The following TSEN2 variants were observed in gnomAD, a reference collection of about 807,000 sequenced individuals.
The protein encoded by TSEN2 is tRNA splicing endonuclease subunit 2, also known as tRNA-splicing endonuclease subunit Sen2.
TSEN2 carries 54 observed loss-of-function variants against 59.2 expected under a neutral mutation model. The observed-to-expected ratio is 0.91, with a 90% CI of 0.73 to 1.14. TSEN2 has a LOEUF of 1.14. Ranked by LOEUF, TSEN2 falls within the 50% of genes most tolerant of loss-of-function variation. The probability of loss-of-function intolerance (pLI) is 0.00; values close to 1 mark genes in which losing one functional copy is unlikely to be tolerated. For synonymous variants in TSEN2, 195 were observed against 198.2 expected, an observed-to-expected ratio of 0.98 and a Z score of 0.14; for missense variants, 636 against 576.2, an observed-to-expected ratio of 1.10 and a Z score of -1.06.
At chr3:12,523,526 C>CTTTTTTTATTTTTTTTTTTTTTTTTTTTT in intron 8 of TSEN2, among the ~76,000 whole-genome samples, 1 of 46,480 alleles carries the variant, frequency 2.2e-5, no homozygotes, top group Non-Finnish European at 4.3e-5. Context: ...CTCTTTGATT[C>CTTTTTTTATTTTTTTTTTTTTTTTTTTTT]TTTTTTTTTT....
chr3:12,519,083 T>C lies in TSEN2; in HGVS notation c.985T>C (p.Trp329Arg), dbSNP rs1243784954. 6.2e-7 allele frequency: 1 copy of C among 1,614,226 alleles called. No individual in the cohort carries two copies. The change falls in exon 8 of 12, where the codon TGG becomes CGG. Residue 329 changes from tryptophan (W) to arginine (R), a missense_variant. Transcript: ENST00000284995. ...EKEPLTIVKL[W>R]KAFTVVQPTF... ...GGAGCCTTTAACGATAGTGAAGCTCTGGAAAGCTTTCACTGTAGTTCAGCC... is the reference window on the plus strand; with the variant it reads ...GGAGCCTTTAACGATAGTGAAGCTCCGGAAAGCTTTCACTGTAGTTCAGCC...
In TSEN2 at chr3:12,520,486, A is replaced by AT. The variant is rs200432301; in HGVS notation, c.1099+1296dup. ...ATTAAATCAATATTTTACTTATTTA[A>AT]TTTTTTTAACTTTAAATTTAGGGCC... On this transcript the variant is annotated intron_variant, in intron 8 of 11. Transcript: ENST00000284995. 8.7e-4 allele frequency among the ~76,000 whole-genome samples: 132 copies of AT among 151,902 alleles called. 2 individuals are homozygous for AT. The East Asian group carries it at 0.024, about 28-fold the overall frequency.
intron 6 of TSEN2, among the ~76,000 whole-genome samples, chr3:12,506,267 G>T (rs1000816545): frequency 6.6e-6 from 1 of 152,020 alleles, no homozygotes; most frequent in Non-Finnish European, 1.5e-5. Flanking sequence ...CCTTCTGCAG[G>T]ATCCCTCTAC....
At chr3:12,509,994 C>T (rs959739000) in intron 6 of TSEN2, among the ~76,000 whole-genome samples, 1 of 152,222 alleles carries the variant, frequency 6.6e-6, no homozygotes, top group Non-Finnish European at 1.5e-5. Flanking sequence ...ATGTCAGGCT[C>T]ATGTGTCCTT....
chr3:12,496,561 C>A lies in TSEN2; in HGVS notation c.308+7C>A. On this transcript the variant is annotated splice_region_variant and intron_variant, in intron 4 of 11. Transcript: ENST00000284995. ...CTATCATCACATCAAAGAGGTAAGT[C>A]ATAATGAACTTTGGCTTCTGTCAAA... is the stretch of plus-strand genomic sequence containing the variant. 1 of 1,614,012 alleles carries A rather than the reference C, an allele frequency of 6.2e-7. No individual in the cohort carries two copies. The highest frequency in any genetic ancestry group is 1.1e-5 in the South Asian group (1 of 91,052).
intron 6 of TSEN2, among the ~76,000 whole-genome samples, chr3:12,508,750 CAGTTATTTCTGAGT>C (rs974879654): frequency 1.3e-5 from 2 of 152,218 alleles, no homozygotes; most frequent in Admixed American, 1.3e-4. Flanking sequence ...GTATTTACCT[CAGTTATTTCTGAGT>C]AGTTATTTCT....
downstream of TSEN2, among the ~76,000 whole-genome samples, chr3:12,533,831 A>G (rs553143875): frequency 2.6e-5 from 4 of 152,162 alleles, no homozygotes; most frequent in Non-Finnish European, 4.4e-5. Flanking sequence ...CATGTTTGTT[A>G]TATTTAATTT....
intron 8 of TSEN2, among the ~76,000 whole-genome samples, chr3:12,524,052 A>G (rs568976871): frequency 5.0e-4 from 76 of 152,318 alleles, no homozygotes; most frequent in African/African-American, 1.7e-3. Flanking sequence ...TATCCAGTCT[A>G]TACTTAAATT....
At chr3:12,485,585 G>A (rs1331969769) in intron 1 of TSEN2, among the ~76,000 whole-genome samples, 1 of 152,192 alleles carries the variant, frequency 6.6e-6, no homozygotes, top group Non-Finnish European at 1.5e-5. Context: ...GTTAAAATCA[G>A]CTGGGTCCAC....
At chr3:12,530,137 T>G in intron 10 of TSEN2, 1 of 1,365,904 alleles carries the variant, frequency 7.3e-7, no homozygotes, top group Non-Finnish European at 9.4e-7. Flanking sequence ...CCCATGGTGA[T>G]CTGATCTGGG....
intron 11 of TSEN2, 54 bp from the exon 12 acceptor site, chr3:12,532,608 G>C (rs1038588196): frequency 6.3e-7 from 1 of 1,582,328 alleles, no homozygotes; most frequent in African/African-American, 1.3e-5. Flanking sequence ...TGTGGTGTCA[G>C]AATGGTCTTA....
rs1239593391 is a variant in TSEN2, at chr3:12,484,847, G to A, written c.-51G>A. Reference sequence around the variant, plus strand: ...CCGCAGCCTCTGGTGGAGTTCGGTCGGGTGTGGGGGTAGTCAAGGAAAGAA... The same window carrying A: ...CCGCAGCCTCTGGTGGAGTTCGGTCAGGTGTGGGGGTAGTCAAGGAAAGAA... On this transcript the variant is annotated 5_prime_UTR_variant, in exon 1 of 12. Coordinates refer to ENST00000284995, the MANE Select transcript of TSEN2 (RefSeq NM_025265.4). The A allele has an allele frequency of 1.3e-5, 2 of 152,426 alleles. No individual in the cohort carries two copies. Among genetic ancestry groups the A allele is most frequent in the Non-Finnish European group, 2.9e-5 (2 of 68,198 alleles). The allele number at this position is 152,426 out of a possible 1,614,324, so 9.4% of individuals were successfully genotyped here. A position where few individuals can be genotyped will look rare whatever the true frequency, so the allele number is the denominator to read the frequency against.
chr3:12,532,712 C>T lies in TSEN2; in HGVS notation c.1389C>T (p.Asp463=), dbSNP rs75288720. The T allele has an allele frequency of 5.7e-4, 924 of 1,613,984 alleles. 6 individuals carry two copies. The African/African-American group carries it at 0.011, about 19-fold the overall frequency. The change falls in exon 12 of 12, where the codon GAC becomes GAT. Residue 463 remains aspartate (D), a synonymous_variant. Coordinates refer to ENST00000284995, the MANE Select transcript of TSEN2 (RefSeq NM_025265.4). ...CTTCACGAGAGAGGAGTGACCAAGA[C>T]GATCTTTAACAATTCAACCTCAAAT... ...WVSSRERSDQ[D]DL is the part of the protein sequence containing the mutation.
chr3:12,506,578 C>CA (rs537179433), intron 6 of TSEN2: 52,014 of 354,048 alleles, frequency 0.15, 64 homozygotes, highest in Non-Finnish European at 0.16. Flanking sequence ...GATCCTGTTT[C>CA]AAAAAAAAAA....
chr3:12,532,215 C>G (rs1304474768), intron 11 of TSEN2, among the ~76,000 whole-genome samples: 1 of 152,196 alleles, frequency 6.6e-6, no homozygotes, highest in Non-Finnish European at 1.5e-5. Context: ...TGCAGACCTG[C>G]TGGTCGGTCT....
rs1193722821 is a variant in TSEN2, at chr3:12,533,572, A to T, written c.*851A>T. ...CTGCTCAGGAGACTAAGGTAGGAGG[A>T]TCGCTTGAGCCCAGGAGGAAGAGGT... On this transcript the variant is annotated 3_prime_UTR_variant, in exon 12 of 12. Coordinates refer to ENST00000284995, the MANE Select transcript of TSEN2 (RefSeq NM_025265.4). The T allele has an allele frequency of 6.7e-6, 1 of 148,480 alleles. No homozygotes were observed. Among genetic ancestry groups the T allele is most frequent in the African/African-American group, 2.5e-5 (1 of 40,588 alleles). The allele number at this position is 148,480 out of a possible 1,614,324, so 9.2% of individuals were successfully genotyped here.
Position 12,529,823 on chromosome 3 carries a change from A to C in TSEN2, c.1198A>C (p.Ser400Arg). Residue 400 changes from serine to arginine, a missense_variant, in exon 10 of 12, where the codon AGT (serine) becomes CGT (arginine). Ser to Arg is a moderately radical substitution (Grantham distance 110). Coordinates refer to ENST00000284995, the MANE Select transcript of TSEN2 (RefSeq NM_025265.4). ...HFEGSLRRPL[S>R]WKSLAALSRV... ...TGAAGGCTCTCTCCGCAGGCCTCTC[A>C]GTTGGAAGTCCCTGGCTGCCTTGAG... The C allele has an allele frequency of 1.2e-6, 2 of 1,614,162 alleles. No individual in the cohort carries two copies. Among genetic ancestry groups the C allele is most frequent in the Non-Finnish European group, 1.7e-6 (2 of 1,180,020 alleles).
chr3:12,521,574 G>A (rs559222370), intron 8 of TSEN2, among the ~76,000 whole-genome samples: 55 of 152,222 alleles, frequency 3.6e-4, no homozygotes, highest in African/African-American at 1.3e-3. Flanking sequence ...AATTAGCTGG[G>A]TGTGGTGGTG....
In TSEN2 at chr3:12,516,660, A is replaced by G; in HGVS notation, c.959A>G (p.Lys320Arg). 1 of 1,614,000 alleles carries G rather than the reference A, an allele frequency of 6.2e-7. No homozygotes were observed. Among genetic ancestry groups the G allele is most frequent in the African/African-American group, 1.3e-5 (1 of 75,018 alleles). Residue 320 changes from lysine to arginine, a missense_variant and splice_region_variant, in exon 7 of 12, where the codon AAG becomes AGG. By Grantham distance (26) the Lys-to-Arg change is conservative. Transcript: ENST00000284995. ...ALGCLSIYYE[K>R]EPLTIVKLWK... ...GGATGTTTAAGTATTTACTATGAGA[A>G]GGTAAGATGCTTTGTTTACATACAA...
Sources: allele counts gnomAD v4.1 joint callset (sites outside exome capture counted in the v4.1 genomes callset), GRCh38; gene constraint gnomAD v4.1.1; transcripts MANE v1.5; gene names NCBI Gene and HGNC (gene_info 2026-07-23, HGNC 2026-07-21).